Variants in JAM3 observed in about 807,000 individuals in gnomAD.
JAM3 encodes the protein junctional adhesion molecule C.
A neutral mutation model predicts 39.4 loss-of-function variants in JAM3; 31 were observed. The ratio of observed to expected loss-of-function variants is 0.79; its 90% confidence interval spans 0.59 to 1.06. The LOEUF (loss-of-function observed/expected upper bound fraction) is 1.06, where lower values mean the gene tolerates loss of function less well. JAM3 is among the 50% of genes least tolerant of loss of function. The probability of loss-of-function intolerance (pLI) is 0.00; values close to 1 mark genes in which losing one functional copy is unlikely to be tolerated. For synonymous variants in JAM3, 182 were observed against 148.7 expected, an observed-to-expected ratio of 1.22 and a Z score of -1.63; for missense variants, 455 against 391.4, an observed-to-expected ratio of 1.16 and a Z score of -1.37.
At chr11:134,105,969 G>T (rs1942176933) in intron 1 of JAM3, among the ~76,000 whole-genome samples, 1 of 152,136 alleles carries the variant, frequency 6.6e-6, no homozygotes, top group South Asian at 2.1e-4. Context: ...AGCTACCAAT[G>T]ACTTTCTTCA....
chr11:134,126,231 G>A (rs888626366), intron 1 of JAM3: 6 of 152,172 alleles, frequency 3.9e-5, no homozygotes, highest in African/African-American at 1.4e-4. Flanking sequence ...GTAAAACTTA[G>A]AAATTGATCC....
chr11:134,122,199 AGT>A (rs1313546378), intron 1 of JAM3, among the ~76,000 whole-genome samples: 2 of 152,214 alleles, frequency 1.3e-5, no homozygotes, highest in Non-Finnish European at 2.9e-5. Flanking sequence ...AGGTATCATC[AGT>A]GTGAGACAAG....
intron 1 of JAM3, among the ~76,000 whole-genome samples, chr11:134,076,833 C>CTTTTTTTTTTTTTTT (rs71038556): frequency 8.4e-6 from 1 of 118,532 alleles, no homozygotes. Flanking sequence ...ACATCTATTG[C>CTTTTTTTTTTTTTTT]TTTTTTTTTT....
At chr11:134,113,393 C>G (rs570387666) in intron 1 of JAM3, among the ~76,000 whole-genome samples, 2 of 152,114 alleles carry the variant, frequency 1.3e-5, no homozygotes, top group Non-Finnish European at 2.9e-5. Context: ...CTTCCTGTGT[C>G]CAAGTGTTCT....
At chr11:134,108,766 T>C (rs562845076) in intron 1 of JAM3, among the ~76,000 whole-genome samples, 1 of 152,094 alleles carries the variant, frequency 6.6e-6, no homozygotes, top group Non-Finnish European at 1.5e-5. Flanking sequence ...AAAAAACTTT[T>C]GGAATAGGAA....
In JAM3 at chr11:134,148,792, G is replaced by A; in HGVS notation, c.871G>A (p.Val291Ile). ...SYKNPGKPDG[V>I]NYIRTDEEGD... The stretch of plus-strand genomic sequence containing the variant: ...CAAGAACCCAGGGAAACCAGATGGA[G>A]TTAACTACATCCGCACTGACGAGGA... Residue 291 changes from valine to isoleucine, a missense_variant, in exon 8 of 9, where the codon GTT (valine) becomes ATT (isoleucine). Coordinates refer to ENST00000299106, the MANE Select transcript of JAM3 (RefSeq NM_032801.5). 6.2e-7 allele frequency: 1 copy of A among 1,614,180 alleles called. No homozygotes were observed. Among genetic ancestry groups the A allele is most frequent in the Non-Finnish European group, 8.5e-7 (1 of 1,180,034 alleles).
intron 1 of JAM3, among the ~76,000 whole-genome samples, chr11:134,080,053 G>A (rs949915115): frequency 1.3e-5 from 2 of 151,706 alleles, no homozygotes; most frequent in East Asian, 1.9e-4. Context: ...AAGAATTCCT[G>A]TGTTTGTTTA....
chr11:134,117,361 G>A (rs1942455640), intron 1 of JAM3, among the ~76,000 whole-genome samples: 3 of 149,104 alleles, frequency 2.0e-5, no homozygotes, highest in African/African-American at 5.1e-5. Context: ...TGGGCGACAA[G>A]AGCAAAAAAC....
chr11:134,105,643 C>T (rs907513290), intron 1 of JAM3, among the ~76,000 whole-genome samples: 2 of 152,328 alleles, frequency 1.3e-5, no homozygotes, highest in Admixed American at 1.3e-4. Flanking sequence ...TAATAAGCAA[C>T]TTCAGCAAAA....
chr11:134,128,716 T>C (rs1942703403), intron 1 of JAM3, among the ~76,000 whole-genome samples: 1 of 134,156 alleles, frequency 7.5e-6, no homozygotes, highest in Non-Finnish European at 1.6e-5. Flanking sequence ...TCCACCATGA[T>C]TGTAAGTTTC....
chr11:134,121,651 G>GA (rs1396278402), intron 1 of JAM3, among the ~76,000 whole-genome samples: 2 of 151,932 alleles, frequency 1.3e-5, no homozygotes, highest in Admixed American at 6.6e-5. Context: ...TAATTTTAAG[G>GA]AAAAAAATCC....
rs552452796 is a variant in JAM3, at chr11:134,118,697, G to C, written c.77-21154G>C. The stretch of plus-strand genomic sequence containing the variant: ...TATCCACGTTTTTACTTGGTGGTTT[G>C]ATGGTGAAAGTGTATATAAGACCCA... On this transcript the variant is annotated intron_variant, in intron 1 of 8. Transcript: ENST00000299106. 4.6e-5 allele frequency among the ~76,000 whole-genome samples: 7 copies of C among 152,242 alleles called. No individual in the cohort carries two copies. The South Asian group carries it at 1.5e-3, about 32-fold the overall frequency.
intron 1 of JAM3, among the ~76,000 whole-genome samples, chr11:134,117,197 A>G (rs1012559697): frequency 6.6e-6 from 1 of 152,056 alleles, no homozygotes; most frequent in Non-Finnish European, 1.5e-5. Flanking sequence ...CCCTGTCTCT[A>G]CTAAAAGTAC....
chr11:134,117,811 C>T (rs912605494), intron 1 of JAM3, among the ~76,000 whole-genome samples: 1 of 152,108 alleles, frequency 6.6e-6, no homozygotes, highest in African/African-American at 2.4e-5. Context: ...CATTCAGATT[C>T]TGAAGAAGGG....
chr11:134,074,987 C>CT (rs57613157), intron 1 of JAM3, among the ~76,000 whole-genome samples: 1,354 of 124,396 alleles, frequency 0.011, 8 homozygotes, highest in East Asian at 0.028. Flanking sequence ...AAGACAGCTG[C>CT]TTTTTTTTTT....
chr11:134,089,586 G>A (rs528000881), intron 1 of JAM3, among the ~76,000 whole-genome samples: 1 of 152,200 alleles, frequency 6.6e-6, no homozygotes, highest in East Asian at 1.9e-4. Flanking sequence ...GTGATAGTTT[G>A]CTGAGAATGA....
At chr11:134,071,570 A>C (rs1941484308) in intron 1 of JAM3, among the ~76,000 whole-genome samples, 1 of 152,236 alleles carries the variant, frequency 6.6e-6, no homozygotes, top group Non-Finnish European at 1.5e-5. Flanking sequence ...TTAGGTTTCC[A>C]AATCTTTGAT....
intron 1 of JAM3, among the ~76,000 whole-genome samples, chr11:134,120,174 G>C (rs571762507): frequency 3.3e-5 from 5 of 152,298 alleles, no homozygotes; most frequent in African/African-American, 1.2e-4. Flanking sequence ...GTACAGCAGC[G>C]GTCTGCTGTG....
At chr11:134,090,370 A>G (rs1941825178) in intron 1 of JAM3, among the ~76,000 whole-genome samples, 1 of 152,252 alleles carries the variant, frequency 6.6e-6, no homozygotes, top group African/African-American at 2.4e-5. Flanking sequence ...TTAGACATGA[A>G]GTCCTTGCCC....
Sources: gnomAD v4.1 joint callset for allele counts (sites outside exome capture counted in the v4.1 genomes callset) on GRCh38, gnomAD v4.1.1 for gene constraint, MANE v1.5 for transcripts, NCBI Gene and HGNC (gene_info 2026-07-23, HGNC 2026-07-21) for gene names.